The following GASK1B variants were observed in gnomAD, a reference collection of about 807,000 sequenced individuals.
GASK1B encodes Golgi-associated kinase 1B.
In GASK1B, 34 loss-of-function variants were observed where a neutral mutation model predicts 42.8. The observed-to-expected ratio is 0.79, with a 90% CI of 0.60 to 1.06. GASK1B has a LOEUF of 1.06. Ranked by LOEUF, GASK1B falls within the 50% of genes least tolerant of loss-of-function variation. The probability of loss-of-function intolerance (pLI) is 0.00; values close to 1 mark genes in which losing one functional copy is unlikely to be tolerated. For synonymous variants in GASK1B, 262 were observed against 259.1 expected (o/e 1.01, Z -0.11); for missense variants, 686 against 661.0 (o/e 1.04, Z -0.42).
chr4:158,169,407 T>C (rs1732365135), intron 2 of GASK1B: 1 of 152,206 alleles, frequency 6.6e-6, no homozygotes, highest in Admixed American at 6.5e-5. Context: ...TCCAGGGGTA[T>C]CCATTTTAAA....
At chr4:158,142,008 A>G (rs1579020404) in intron 3 of GASK1B, among the ~76,000 whole-genome samples, 6 of 105,308 alleles carry the variant, frequency 5.7e-5, no homozygotes, top group Non-Finnish European at 8.1e-5. Context: ...GCAGTGGCGC[A>G]ATCTCGGCTC....
intron 3 of GASK1B, among the ~76,000 whole-genome samples, chr4:158,139,944 C>A (rs1731050168): frequency 6.6e-6 from 1 of 152,146 alleles, no homozygotes; most frequent in East Asian, 1.9e-4. Flanking sequence ...AAGACAGGGA[C>A]TTACAGGTAG....
At chr4:158,165,223 T>C (rs1202897775) in intron 2 of GASK1B, among the ~76,000 whole-genome samples, 1 of 152,254 alleles carries the variant, frequency 6.6e-6, no homozygotes, top group Non-Finnish European at 1.5e-5. Flanking sequence ...CTGGCAAAGC[T>C]GCTAAATCAA....
chr4:158,141,123 A>G (rs1375660686), intron 3 of GASK1B, among the ~76,000 whole-genome samples: 1 of 152,146 alleles, frequency 6.6e-6, no homozygotes, highest in Admixed American at 6.5e-5. Flanking sequence ...TAGAAAAACA[A>G]CGCCAGCAAT....
At chr4:158,136,767 C>G (rs1319716542) in intron 3 of GASK1B, among the ~76,000 whole-genome samples, 1 of 152,100 alleles carries the variant, frequency 6.6e-6, no homozygotes, top group Non-Finnish European at 1.5e-5. Context: ...TTGTTTTTAG[C>G]ATTTAAAAAC....
chr4:158,127,517 C>T lies in GASK1B; in HGVS notation c.1450G>A (p.Gly484Arg), dbSNP rs1400754412. 2 of 1,613,750 alleles carry T rather than the reference C, an allele frequency of 1.2e-6. No homozygotes were observed. The highest frequency in any genetic ancestry group is 1.7e-5 in the Admixed American group (1 of 59,966). ...FLDKVYWESQ[G>R]GRQGIEKLID... ...AGCTTTTCAATTCCTTGTCTACCTCCTTGACTTTCCCAATACACTTTATCA... is the reference window on the plus strand; with the variant it reads ...AGCTTTTCAATTCCTTGTCTACCTCTTTGACTTTCCCAATACACTTTATCA... Residue 484 changes from glycine (G) to arginine (R), a missense_variant, in exon 5 of 5, where the codon GGA (glycine) becomes AGA (arginine). Gly to Arg is a moderately radical substitution (Grantham distance 125). Coordinates refer to ENST00000585682, the MANE Select transcript of GASK1B (RefSeq NM_001128424.2).
At position 158,125,961 on chromosome 4, in the gene GASK1B, G is replaced by A. The variant is rs1730436353; in HGVS notation, c.*1446C>T. On this transcript the variant is annotated 3_prime_UTR_variant, in exon 5 of 5. Transcript: ENST00000585682. ...AGTAGTTCTCTTTCACACAGATATTGAGTTAACCTTGACCAGAACAAAGAA... is the reference window on the plus strand; with the variant it reads ...AGTAGTTCTCTTTCACACAGATATTAAGTTAACCTTGACCAGAACAAAGAA... 6.6e-6 allele frequency: 1 copy of A among 151,752 alleles called. No homozygotes were observed. Among genetic ancestry groups the A allele is most frequent in the South Asian group, 2.1e-4 (1 of 4,810 alleles). The allele number at this position is 151,752 out of a possible 1,614,324, so 9.4% of individuals were successfully genotyped here.
At chr4:158,140,351 T>C (rs1731067536) in intron 3 of GASK1B, among the ~76,000 whole-genome samples, 1 of 152,186 alleles carries the variant, frequency 6.6e-6, no homozygotes, top group Non-Finnish European at 1.5e-5. Flanking sequence ...GGGAAGAGCA[T>C]GAAACCAATA....
intron 4 of GASK1B, among the ~76,000 whole-genome samples, chr4:158,130,300 C>T (rs1374195708): frequency 6.6e-6 from 1 of 152,182 alleles, no homozygotes; most frequent in African/African-American, 2.4e-5. Flanking sequence ...CTATGCCTTA[C>T]TTACCAGATT....
At position 158,155,737 on chromosome 4, in the gene GASK1B, T is replaced by C; in HGVS notation, c.999A>G (p.Gly333=). ...TCTGTTTCAGCAACTGCTGATAAGT[T>C]CCCCAGGTGAGCTTAACAGAAGAAT... ...DTHSSVKLTW[G]TYQQLLKQKC... is the part of the protein sequence containing the mutation. The change falls in exon 3 of 5, where the codon GGA becomes GGG. Residue 333 remains glycine (G), a synonymous_variant. Coordinates refer to ENST00000585682, the MANE Select transcript of GASK1B (RefSeq NM_001128424.2). The C allele has an allele frequency of 1.2e-6, 2 of 1,613,916 alleles. No homozygotes were observed. Among genetic ancestry groups the C allele is most frequent in the South Asian group, 2.2e-5 (2 of 91,080 alleles).
At chr4:158,156,811 T>C (rs1179576067) in intron 2 of GASK1B, among the ~76,000 whole-genome samples, 1 of 152,100 alleles carries the variant, frequency 6.6e-6, no homozygotes. Context: ...TAAAGCCCAC[T>C]TAACTCATTC....
intron 2 of GASK1B, among the ~76,000 whole-genome samples, chr4:158,164,957 C>G: frequency 6.6e-6 from 1 of 152,178 alleles, no homozygotes; most frequent in East Asian, 1.9e-4. Context: ...AACTTGGGAT[C>G]TACAATGAAT....
At chr4:158,133,586 T>G (rs1730766704) in intron 3 of GASK1B, among the ~76,000 whole-genome samples, 1 of 152,192 alleles carries the variant, frequency 6.6e-6, no homozygotes, top group African/African-American at 2.4e-5. Flanking sequence ...AACATTATAT[T>G]TTTCTATTTT....
intron 2 of GASK1B, among the ~76,000 whole-genome samples, chr4:158,158,936 T>C (rs539052032): frequency 1.3e-5 from 2 of 152,236 alleles, no homozygotes; most frequent in Admixed American, 1.3e-4. Context: ...GGCTATACAT[T>C]AACCCCTAAT....
rs570559953 is a variant in GASK1B, at chr4:158,170,770, C to G, written c.606G>C (p.Glu202Asp). 1 of 1,614,240 alleles carries G rather than the reference C, an allele frequency of 6.2e-7. No homozygotes were observed. The highest frequency in any genetic ancestry group is 2.2e-5 in the East Asian group (1 of 44,880). ...GPDFLQPSSR[E>D]SNIRIYSESA... ...TCTCGCTGTAGATCCTAATGTTGCT[C>G]TCCCTGGAGCTGGGCTGCAGGAAGT... The change falls in exon 2 of 5, where the codon GAG becomes GAC. Residue 202 changes from glutamate (E) to aspartate (D), a missense_variant. By Grantham distance (45) the Glu-to-Asp change is conservative. Transcript: ENST00000585682.
At chr4:158,164,702 T>C (rs1456398176) in intron 2 of GASK1B, among the ~76,000 whole-genome samples, 2 of 152,218 alleles carry the variant, frequency 1.3e-5, no homozygotes, top group Non-Finnish European at 2.9e-5. Flanking sequence ...TGGAAGCCAG[T>C]ATGTTCGCAA....
Position 158,171,171 on chromosome 4 carries a change from C to A in GASK1B, c.205G>T (p.Gly69Trp), listed in dbSNP as rs1205075768. Residue 69 changes from glycine to tryptophan, a missense_variant, in exon 2 of 5, where the codon GGG (glycine) becomes TGG (tryptophan). Coordinates refer to ENST00000585682, the MANE Select transcript of GASK1B (RefSeq NM_001128424.2). ...GCGGTGTCGCGGCTGCGATGTGGCCCCTTCTCAGCCGCCTGTCCATGCTGG... is the reference window on the plus strand; with the variant it reads ...GCGGTGTCGCGGCTGCGATGTGGCCACTTCTCAGCCGCCTGTCCATGCTGG... ...SLQHGQAAEK[G>W]PHRSRDTAEP... 5 of 1,611,428 alleles carry A rather than the reference C, an allele frequency of 3.1e-6. 1 individual carries two copies. The highest frequency in any genetic ancestry group is 3.3e-4 in the Middle Eastern group (2 of 6,048).
intron 3 of GASK1B, among the ~76,000 whole-genome samples, chr4:158,140,518 T>C (rs943403988): frequency 2.0e-5 from 3 of 152,196 alleles, no homozygotes; most frequent in African/African-American, 7.2e-5. Flanking sequence ...CTGCCTGCCC[T>C]CTCAGATGTT....
intron 3 of GASK1B, among the ~76,000 whole-genome samples, chr4:158,144,330 A>C (rs1731251433): frequency 6.6e-6 from 1 of 152,196 alleles, no homozygotes; most frequent in Non-Finnish European, 1.5e-5. Flanking sequence ...TAACATCATC[A>C]ATACTGAAAT....
Sources: gnomAD v4.1 joint callset for allele counts (sites outside exome capture counted in the v4.1 genomes callset) on GRCh38, gnomAD v4.1.1 for gene constraint, MANE v1.5 for transcripts, NCBI Gene and HGNC (gene_info 2026-07-23, HGNC 2026-07-21) for gene names.